Variants in POLA1 observed in about 807,000 individuals in gnomAD.
POLA1 encodes DNA polymerase alpha catalytic subunit.
A neutral mutation model predicts 124.0 loss-of-function variants in POLA1; 15 were observed. That is an observed-to-expected ratio of 0.12 (90% confidence interval 0.08 to 0.19). The LOEUF is 0.19. Ranked by LOEUF, POLA1 falls within the 10% of genes least tolerant of loss-of-function variation. The pLI, the probability that POLA1 is intolerant of heterozygous loss-of-function variation, is 1.00. For synonymous variants in POLA1, 408 were observed against 389.4 expected (o/e 1.05, Z -0.56); for missense variants, 886 against 1,103.4 (o/e 0.80, Z 2.79).
At chrX:24,771,896 G>T (rs185030360) in intron 26 of POLA1, among the ~76,000 whole-genome samples, 21 of 111,435 alleles carry the variant, frequency 1.9e-4, no homozygotes, top group African/African-American at 6.8e-4. Context: ...AGCACACTTA[G>T]AAAAATAGAG....
intron 8 of POLA1, 141 bp from the exon 9 acceptor site, chrX:24,717,149 A>C (rs1929894823): frequency 3.6e-6 from 2 of 562,909 alleles, no homozygotes; most frequent in Non-Finnish European, 2.9e-6. Flanking sequence ...TTGGAGATTA[A>C]AGAGAAATGC....
chrX:24,785,709 A>G (rs2045348625), intron 26 of POLA1, among the ~76,000 whole-genome samples: 1 of 112,237 alleles, frequency 8.9e-6, no homozygotes, highest in East Asian at 2.8e-4. Context: ...TGAAAGGTGT[A>G]CAATGTGATG....
intron 26 of POLA1, among the ~76,000 whole-genome samples, chrX:24,763,432 A>T (rs1368698106): frequency 9.0e-6 from 1 of 110,967 alleles, no homozygotes; most frequent in African/African-American, 3.3e-5. Context: ...GAACAGTTTG[A>T]TCGTAGACAT....
At chrX:24,877,927 G>C (rs199518412) in intron 34 of POLA1, among the ~76,000 whole-genome samples, 1 of 79,955 alleles carries the variant, frequency 1.3e-5, no homozygotes, top group Non-Finnish European at 2.5e-5. Flanking sequence ...TTTTTTTTTT[G>C]TTTTTTTTTT....
At chrX:24,895,746 G>A (rs762145562) in intron 35 of POLA1, among the ~76,000 whole-genome samples, 1 of 111,924 alleles carries the variant, frequency 8.9e-6, no homozygotes, top group South Asian at 3.8e-4. Context: ...TGCAGTTCTT[G>A]GAGAAGATAA....
At position 24,789,348 on chromosome X, in the gene POLA1, T is replaced by G. The variant is rs536262305; in HGVS notation, c.2965-20550T>G. Among the ~76,000 whole-genome samples, 13 of 111,867 alleles carry G rather than the reference T, an allele frequency of 1.2e-4. No homozygotes were observed. In the South Asian group the frequency reaches 4.9e-3, roughly 42 times the overall value. On this transcript the variant is annotated intron_variant, in intron 26 of 36. Coordinates refer to ENST00000379068, the MANE Select transcript of POLA1 (RefSeq NM_001330360.2). ...AAATCAACATACAAAAATCAGTTGT[T>G]TCTATGCACTAACAATAAACTATCC...
At chrX:24,823,770 A>G (rs766331709) in intron 31 of POLA1, among the ~76,000 whole-genome samples, 6 of 112,370 alleles carry the variant, frequency 5.3e-5, no homozygotes, top group Admixed American at 9.4e-5. Flanking sequence ...AGAATAGCCT[A>G]TATCCTAAAC....
At chrX:24,890,430 T>C (rs769923846) in intron 35 of POLA1, among the ~76,000 whole-genome samples, 56 of 111,906 alleles carry the variant, frequency 5.0e-4, no homozygotes, top group Non-Finnish European at 9.6e-4. Flanking sequence ...ATACCTTTCA[T>C]TGGGCATTTT....
intron 36 of POLA1, among the ~76,000 whole-genome samples, chrX:24,964,793 G>A (rs932088269): frequency 8.9e-6 from 1 of 111,792 alleles, no homozygotes. Flanking sequence ...ACTATGTGCC[G>A]GACACAGTAC....
intron 26 of POLA1, among the ~76,000 whole-genome samples, chrX:24,753,688 T>C (rs888597343): frequency 1.8e-5 from 2 of 112,174 alleles, no homozygotes; most frequent in Non-Finnish European, 3.8e-5. Context: ...TATGTACTTA[T>C]AAGTATACTC....
chrX:24,851,678 A>G (rs767565108), intron 34 of POLA1, among the ~76,000 whole-genome samples: 3 of 113,220 alleles, frequency 2.6e-5, no homozygotes, highest in African/African-American at 9.6e-5. Context: ...AGGAAATGCC[A>G]TAGGAGTTGT....
chrX:24,747,969 C>T (rs1006208705), intron 24 of POLA1, among the ~76,000 whole-genome samples: 10 of 111,307 alleles, frequency 9.0e-5, no homozygotes, highest in African/African-American at 2.9e-4. Context: ...CTCCTGACCT[C>T]GTGATCTGCC....
chrX:24,823,270 C>A (rs1167551341), intron 31 of POLA1, among the ~76,000 whole-genome samples: 2 of 112,188 alleles, frequency 1.8e-5, no homozygotes, highest in Non-Finnish European at 3.8e-5. Context: ...GTACCCTACC[C>A]ATGGGACATG....
Position 24,996,001 on chromosome X carries a change from C to T in POLA1, c.*51C>T, listed in dbSNP as rs1233053732. 6 of 1,088,703 alleles carry T rather than the reference C, an allele frequency of 5.5e-6. No individual in the cohort carries two copies. The highest frequency in any genetic ancestry group is 3.0e-5 in the East Asian group (1 of 33,220). The allele number at this position is 1,088,703 out of a possible 1,213,427, so 89.7% of individuals were successfully genotyped here. ...GGGGTAGTTGAAAAATCCCAGCTTC[C>T]TCTGTGCCTCCACTCTGGCCCTAAA... is the stretch of plus-strand genomic sequence containing the variant. On this transcript the variant is annotated 3_prime_UTR_variant, in exon 37 of 37. Transcript: ENST00000379068.
At chrX:24,934,090 A>G (rs1216182854) in intron 36 of POLA1, among the ~76,000 whole-genome samples, 1 of 111,981 alleles carries the variant, frequency 8.9e-6, no homozygotes, top group Non-Finnish European at 1.9e-5. Flanking sequence ...GGATGGCCGC[A>G]TGAAATGGTC....
chrX:24,721,503 A>G (rs1393462527), intron 10 of POLA1, among the ~76,000 whole-genome samples: 1 of 112,649 alleles, frequency 8.9e-6, no homozygotes, highest in Non-Finnish European at 1.9e-5. Flanking sequence ...TGGTGAAATC[A>G]ATGCTGCTAA....
At chrX:24,735,096 A>G (rs1361049099) in intron 17 of POLA1, among the ~76,000 whole-genome samples, 1 of 112,088 alleles carries the variant, frequency 8.9e-6, no homozygotes, top group East Asian at 2.8e-4. Flanking sequence ...TCTGATTCAT[A>G]TGCTCTAAAT....
At chrX:24,838,892 T>TA (rs1489551853) in intron 32 of POLA1, among the ~76,000 whole-genome samples, 2 of 112,346 alleles carry the variant, frequency 1.8e-5, no homozygotes, top group Non-Finnish European at 3.8e-5. Context: ...CAGTAAAACT[T>TA]TAAAGTCTAC....
intron 30 of POLA1, among the ~76,000 whole-genome samples, chrX:24,820,858 C>T (rs992528095): frequency 3.2e-4 from 36 of 111,149 alleles, no homozygotes; most frequent in African/African-American, 1.1e-3. Flanking sequence ...TAATTTATTC[C>T]GCAAATATTT....
Sources: allele counts gnomAD v4.1 joint callset (sites outside exome capture counted in the v4.1 genomes callset), GRCh38; gene constraint gnomAD v4.1.1; transcripts MANE v1.5; gene names NCBI Gene and HGNC (gene_info 2026-07-23, HGNC 2026-07-21).